CNTN1: variants seen among roughly 807,000 people sequenced by gnomAD.
The protein encoded by CNTN1 is contactin-1.
In CNTN1, 38 loss-of-function variants were observed where a neutral mutation model predicts 126.4. The ratio of observed to expected loss-of-function variants is 0.30; its 90% confidence interval spans 0.23 to 0.39. CNTN1 has a LOEUF of 0.39. CNTN1 is among the 10% of genes least tolerant of loss of function. The pLI is 1.00. For missense variants in CNTN1, 1,009 were observed against 1,248.4 expected (o/e 0.81, Z 2.89); for synonymous variants, 413 against 422.6 (o/e 0.98, Z 0.28).
chr12:41,026,704 A>C (rs1949044654), intron 21 of CNTN1, among the ~76,000 whole-genome samples: 2 of 152,174 alleles, frequency 1.3e-5, no homozygotes, highest in Non-Finnish European at 2.9e-5. Context: ...AATTGTGATG[A>C]GTTTGAGTTC....
At chr12:40,872,212 T>TTGTGTGTG (rs61187240) in intron 1 of CNTN1, among the ~76,000 whole-genome samples, 60 of 113,596 alleles carry the variant, frequency 5.3e-4, no homozygotes, top group Non-Finnish European at 8.0e-4. Context: ...GTTGCTTTGT[T>TTGTGTGTG]TGTGTGTGTG....
At chr12:40,865,346 C>A (rs11178829) in intron 1 of CNTN1, among the ~76,000 whole-genome samples, 2 of 151,828 alleles carry the variant, frequency 1.3e-5, no homozygotes, top group Non-Finnish European at 2.9e-5. Flanking sequence ...AAGTTTTCAA[C>A]CTTAATGAAG....
intron 1 of CNTN1, among the ~76,000 whole-genome samples, chr12:40,719,166 G>A (rs1368946856): frequency 1.3e-5 from 2 of 152,066 alleles, no homozygotes; most frequent in African/African-American, 2.4e-5. Context: ...TGCTCAATAT[G>A]GAAAAATTAA....
chr12:41,054,282 G>A (rs1455892435), intron 23 of CNTN1, among the ~76,000 whole-genome samples: 2 of 151,758 alleles, frequency 1.3e-5, no homozygotes, highest in African/African-American at 4.8e-5. Flanking sequence ...CTATATTACA[G>A]GCACTAGTAA....
chr12:40,830,303 G>C (rs1941764675), intron 1 of CNTN1, among the ~76,000 whole-genome samples: 1 of 151,976 alleles, frequency 6.6e-6, no homozygotes, highest in African/African-American at 2.4e-5. Context: ...AAATTGATGA[G>C]AATTTTTAAA....
chr12:40,769,861 G>T (rs967706012), intron 1 of CNTN1, among the ~76,000 whole-genome samples: 10 of 151,934 alleles, frequency 6.6e-5, no homozygotes, highest in Non-Finnish European at 1.5e-4. Context: ...TCTAGGAAAG[G>T]TTTCATCCTT....
At chr12:40,882,844 AT>A (rs935474534) in intron 1 of CNTN1, among the ~76,000 whole-genome samples, 60 of 151,212 alleles carry the variant, frequency 4.0e-4, no homozygotes, top group Middle Eastern at 3.4e-3. Context: ...TTTTAAAATT[AT>A]TTTTTTTCTT....
intron 1 of CNTN1, among the ~76,000 whole-genome samples, chr12:40,816,339 G>A (rs528411988): frequency 2.0e-5 from 3 of 152,132 alleles, no homozygotes; most frequent in South Asian, 4.1e-4. Context: ...CTTGTTATTG[G>A]TCTATTCAGG....
chr12:40,840,196 C>CA (rs1434242614), intron 1 of CNTN1, among the ~76,000 whole-genome samples: 1 of 151,732 alleles, frequency 6.6e-6, no homozygotes, highest in Non-Finnish European at 1.5e-5. Flanking sequence ...GGAATAGCTA[C>CA]ATTTATATCA....
In CNTN1 at chr12:40,937,368, G is replaced by A. The variant is rs146501111; in HGVS notation, c.1111-202G>A. Among the ~76,000 whole-genome samples the A allele has an allele frequency of 3.9e-3, 599 of 152,184 alleles. 5 individuals carry two copies. Among genetic ancestry groups the A allele is most frequent in the Non-Finnish European group, 3.5e-3 (238 of 68,004 alleles). ...AAAAGGTGGACTCTCAGCTCTGTAG[G>A]ATGAATAGAACAAGAGCCTTTGGGC... On this transcript the variant is annotated intron_variant, in intron 10 of 23. Transcript: ENST00000551295.
chr12:40,693,015 T>A (rs1992606), intron 1 of CNTN1, among the ~76,000 whole-genome samples: 27,414 of 152,120 alleles, frequency 0.18, 2,685 homozygotes, highest in Middle Eastern at 0.26. Flanking sequence ...CCGCACCTGC[T>A]CATCTTTCCC....
chr12:41,015,849 T>C (rs1008184027), intron 18 of CNTN1, among the ~76,000 whole-genome samples: 1 of 152,182 alleles, frequency 6.6e-6, no homozygotes, highest in African/African-American at 2.4e-5. Flanking sequence ...AGGGCTGACA[T>C]AGACTTCTTT....
intron 1 of CNTN1, among the ~76,000 whole-genome samples, chr12:40,722,881 C>A (rs966037521): frequency 4.0e-5 from 6 of 151,864 alleles, no homozygotes; most frequent in African/African-American, 1.5e-4. Flanking sequence ...TCATGAGAGC[C>A]CTCCAACAAA....
intron 1 of CNTN1, among the ~76,000 whole-genome samples, chr12:40,805,758 G>A (rs1940830936): frequency 2.6e-5 from 4 of 151,970 alleles, no homozygotes; most frequent in Admixed American, 2.6e-4. Context: ...CATTGTGTAT[G>A]GAACAGTAGA....
At chr12:40,733,228 A>G (rs1445702114) in intron 1 of CNTN1, among the ~76,000 whole-genome samples, 3 of 152,016 alleles carry the variant, frequency 2.0e-5, no homozygotes, top group Admixed American at 1.3e-4. Flanking sequence ...TTAAAATACA[A>G]TGTTGCCTCC....
At chr12:40,862,008 G>C (rs1402961087) in intron 1 of CNTN1, among the ~76,000 whole-genome samples, 1 of 151,720 alleles carries the variant, frequency 6.6e-6, no homozygotes, top group Non-Finnish European at 1.5e-5. Flanking sequence ...AGGGCTAGGA[G>C]TTTGAGACCA....
intron 3 of CNTN1, among the ~76,000 whole-genome samples, 154 bp from the exon 4 acceptor site, chr12:40,918,485 G>A (rs943640385): frequency 6.6e-6 from 1 of 152,068 alleles, no homozygotes; most frequent in African/African-American, 2.4e-5. Flanking sequence ...AGAACCTGAT[G>A]TTTGGCTCAG....
At chr12:40,719,949 T>A (rs933957595) in intron 1 of CNTN1, among the ~76,000 whole-genome samples, 1 of 151,974 alleles carries the variant, frequency 6.6e-6, no homozygotes, top group African/African-American at 2.4e-5. Context: ...GCAATTCTCC[T>A]GTCTCAGCCT....
At chr12:40,890,347 T>C (rs1442169645) in intron 1 of CNTN1, among the ~76,000 whole-genome samples, 1 of 152,174 alleles carries the variant, frequency 6.6e-6, no homozygotes, top group Non-Finnish European at 1.5e-5. Context: ...ACTGATACAT[T>C]ATTATCAACT....
Sources: allele counts gnomAD v4.1 joint callset (sites outside exome capture counted in the v4.1 genomes callset), GRCh38; gene constraint gnomAD v4.1.1; transcripts MANE v1.5; gene names NCBI Gene and HGNC (gene_info 2026-07-23, HGNC 2026-07-21).